Variants in RANBP17 observed in about 807,000 individuals in gnomAD.
The protein encoded by RANBP17 is RAN binding protein 17.
A neutral mutation model predicts 141.2 loss-of-function variants in RANBP17; 158 were observed. The observed-to-expected ratio is 1.12, with a 90% CI of 0.98 to 1.28. The LOEUF (loss-of-function observed/expected upper bound fraction) is 1.28. Ranked by LOEUF, RANBP17 falls within the 50% of genes most tolerant of loss-of-function variation. RANBP17 has a pLI of 0.00. For missense variants in RANBP17, 1,438 were observed against 1,290.7 expected (o/e 1.11, Z -1.75); for synonymous variants, 430 against 450.0 (o/e 0.96, Z 0.56).
Position 171,239,893 on chromosome 5 carries a change from C to G in RANBP17, c.2423-1035C>G, listed in dbSNP as rs77029057. On this transcript the variant is annotated intron_variant, in intron 22 of 27. Coordinates refer to ENST00000523189, the MANE Select transcript of RANBP17 (RefSeq NM_022897.5). ...TACCTGTTACTCTTACCACCTCTAA[C>G]CACAGCAACCTTTAAAAAGTCATGG... is the stretch of plus-strand genomic sequence containing the variant. Among the ~76,000 whole-genome samples the G allele has an allele frequency of 2.0e-3, 310 of 152,286 alleles. 2 individuals are homozygous for G. The highest frequency in any genetic ancestry group is 7.2e-3 in the African/African-American group (301 of 41,562).
intron 1 of RANBP17, among the ~76,000 whole-genome samples, chr5:170,865,534 C>G (rs967553769): frequency 3.3e-5 from 5 of 152,184 alleles, no homozygotes; most frequent in Admixed American, 6.5e-5. Context: ...ATTCCCAGAG[C>G]AGCTTGAGAA....
At chr5:171,220,015 C>T (rs1763453233) in intron 21 of RANBP17, among the ~76,000 whole-genome samples, 1 of 152,044 alleles carries the variant, frequency 6.6e-6, no homozygotes, top group South Asian at 2.1e-4. Context: ...GCTGGTTTTT[C>T]CTCATCTTCG....
At chr5:171,246,464 G>A (rs1424406853) in intron 24 of RANBP17, among the ~76,000 whole-genome samples, 1 of 152,166 alleles carries the variant, frequency 6.6e-6, no homozygotes, top group African/African-American at 2.4e-5. Context: ...TGTACTGCTT[G>A]TTGTACAATA....
At chr5:170,905,068 TAATA>T (rs1770968160) in intron 5 of RANBP17, among the ~76,000 whole-genome samples, 1 of 152,186 alleles carries the variant, frequency 6.6e-6, no homozygotes, top group Non-Finnish European at 1.5e-5. Context: ...GATTTTATAA[TAATA>T]AATGTTTATA....
At chr5:170,872,511 T>A (rs1404413910) in intron 1 of RANBP17, among the ~76,000 whole-genome samples, 3 of 152,210 alleles carry the variant, frequency 2.0e-5, no homozygotes, top group African/African-American at 7.2e-5. Context: ...TTCTTTCTTT[T>A]GCCAGATTGC....
intron 12 of RANBP17, among the ~76,000 whole-genome samples, chr5:170,946,777 C>CT (rs1774802733): frequency 1.3e-5 from 2 of 152,140 alleles, no homozygotes; most frequent in South Asian, 4.1e-4. Context: ...ACATAACAAG[C>CT]TTTTTTTCTT....
At chr5:171,243,101 A>G in intron 24 of RANBP17, 1 of 350,692 alleles carries the variant, frequency 2.9e-6, no homozygotes, top group Admixed American at 4.7e-5. Context: ...AAATGTGTAC[A>G]TGTACACAAA....
At chr5:170,989,366 A>G (rs1347654454) in intron 14 of RANBP17, among the ~76,000 whole-genome samples, 1 of 151,802 alleles carries the variant, frequency 6.6e-6, no homozygotes, top group Non-Finnish European at 1.5e-5. Context: ...ATTTGGAAAC[A>G]TAAGTCATAA....
At chr5:171,189,340 A>C (rs1284208560) in intron 18 of RANBP17, among the ~76,000 whole-genome samples, 2 of 152,254 alleles carry the variant, frequency 1.3e-5, no homozygotes, top group Admixed American at 6.5e-5. Flanking sequence ...TAAAAGCATC[A>C]AGTATGATTT....
intron 14 of RANBP17, among the ~76,000 whole-genome samples, chr5:171,065,601 G>A (rs902299712): frequency 2.0e-5 from 3 of 151,954 alleles, no homozygotes; most frequent in Non-Finnish European, 4.4e-5. Flanking sequence ...GCCCTACACT[G>A]TGTATTAACC....
At chr5:170,926,984 T>A (rs749006935) in intron 12 of RANBP17, among the ~76,000 whole-genome samples, 1 of 152,168 alleles carries the variant, frequency 6.6e-6, no homozygotes, top group African/African-American at 2.4e-5. Context: ...AATATTTTAC[T>A]TTTTGAATAT....
chr5:170,891,580 A>G (rs1769611459), intron 3 of RANBP17, among the ~76,000 whole-genome samples: 1 of 152,210 alleles, frequency 6.6e-6, no homozygotes, highest in South Asian at 2.1e-4. Flanking sequence ...CTGTACGGTT[A>G]GCATGGCTGG....
intron 14 of RANBP17, among the ~76,000 whole-genome samples, chr5:171,089,932 A>T (rs549060645): frequency 6.6e-6 from 1 of 151,928 alleles, no homozygotes; most frequent in Non-Finnish European, 1.5e-5. Flanking sequence ...CGTCGCTCAC[A>T]CTGGGAGCTG....
chr5:171,218,197 G>T (rs1190973396), intron 21 of RANBP17, among the ~76,000 whole-genome samples: 1 of 152,176 alleles, frequency 6.6e-6, no homozygotes, highest in Non-Finnish European at 1.5e-5. Flanking sequence ...TAGTTGTGTG[G>T]TTTTGAGTGA....
intron 14 of RANBP17, among the ~76,000 whole-genome samples, chr5:171,007,365 A>AG (rs148944821): frequency 0.68 from 103,704 of 151,608 alleles, 35,658 homozygotes; most frequent in South Asian, 0.89. Flanking sequence ...AGGTGTGGAG[A>AG]GGGAGGTAAT....
chr5:170,876,167 G>C (rs984477144), intron 1 of RANBP17, among the ~76,000 whole-genome samples: 1 of 152,090 alleles, frequency 6.6e-6, no homozygotes, highest in African/African-American at 2.4e-5. Flanking sequence ...GCTTCACTTG[G>C]CTGGGAGTAG....
chr5:171,096,894 G>GT (rs781352241), intron 14 of RANBP17, among the ~76,000 whole-genome samples: 6 of 152,234 alleles, frequency 3.9e-5, no homozygotes, highest in Non-Finnish European at 7.4e-5. Context: ...AGAGAAAATT[G>GT]TAAGTATATG....
intron 14 of RANBP17, among the ~76,000 whole-genome samples, chr5:171,142,696 G>C (rs1165479388): frequency 6.6e-6 from 1 of 152,154 alleles, no homozygotes; most frequent in East Asian, 1.9e-4. Context: ...ATTCAATAAG[G>C]AATGAAGTAT....
intron 14 of RANBP17, chr5:171,028,725 T>C (rs1199202235): frequency 5.9e-6 from 2 of 338,976 alleles, no homozygotes; most frequent in Non-Finnish European, 1.2e-5. Flanking sequence ...CTTCCAACTT[T>C]TGCAGAGACT....
Sources: allele counts gnomAD v4.1 joint callset (sites outside exome capture counted in the v4.1 genomes callset), GRCh38; gene constraint gnomAD v4.1.1; transcripts MANE v1.5; gene names NCBI Gene and HGNC (gene_info 2026-07-23, HGNC 2026-07-21).